The following SNAP29 variants were observed in gnomAD, a reference collection of about 807,000 sequenced individuals.
SNAP29 encodes synaptosome associated protein 29.
SNAP29 carries 13 observed loss-of-function variants against 27.9 expected under a neutral mutation model. The observed-to-expected ratio is 0.47, with a 90% CI of 0.30 to 0.74. The LOEUF (loss-of-function observed/expected upper bound fraction) is 0.74, where lower values mean the gene tolerates loss of function less well. SNAP29 is among the 30% of genes least tolerant of loss of function. The probability of loss-of-function intolerance (pLI) is 0.06; values close to 1 mark genes in which losing one functional copy is unlikely to be tolerated. For missense variants in SNAP29, 368 were observed against 336.5 expected (o/e 1.09, Z -0.73); for synonymous variants, 119 against 127.1 (o/e 0.94, Z 0.43).
intron 1 of SNAP29, 129 bp downstream of exon 1, chr22:20,859,476 C>A: frequency 1.3e-6 from 1 of 747,904 alleles, no homozygotes; most frequent in Admixed American, 2.0e-5. Context: ...ACCTTAGTGA[C>A]TCGATGGTGG....
chr22:20,884,224 C>T (rs926142830), intron 4 of SNAP29, among the ~76,000 whole-genome samples: 2 of 151,642 alleles, frequency 1.3e-5, no homozygotes, highest in African/African-American at 2.4e-5. Flanking sequence ...TCCCAGCTAT[C>T]GGGTGGCTGA....
At chr22:20,881,203 C>A in intron 3 of SNAP29, 69 bp downstream of exon 3, 2 of 1,113,828 alleles carry the variant, frequency 1.8e-6, no homozygotes, top group South Asian at 1.3e-5. Context: ...TGGCGTTGGT[C>A]CTTGGGGGGC....
intron 1 of SNAP29, among the ~76,000 whole-genome samples, chr22:20,860,120 G>A (rs1928226659): frequency 6.6e-6 from 1 of 151,936 alleles, no homozygotes; most frequent in Non-Finnish European, 1.5e-5. Context: ...GGGAGGCCTA[G>A]GCGTCGGATC....
intron 2 of SNAP29, among the ~76,000 whole-genome samples, chr22:20,879,164 G>A (rs549889474): frequency 4.6e-5 from 7 of 152,086 alleles, no homozygotes; most frequent in Admixed American, 1.3e-4. Flanking sequence ...AAAATTAGCC[G>A]GGCGTGGTAG....
At chr22:20,861,840 G>T (rs904961462) in intron 1 of SNAP29, among the ~76,000 whole-genome samples, 1 of 152,082 alleles carries the variant, frequency 6.6e-6, no homozygotes, top group Middle Eastern at 3.2e-3. Context: ...TCACTGTGTT[G>T]GTCCGGCTGG....
At chr22:20,871,478 T>A (rs1928589784) in intron 2 of SNAP29, among the ~76,000 whole-genome samples, 1 of 109,960 alleles carries the variant, frequency 9.1e-6, no homozygotes, top group Non-Finnish European at 1.9e-5. Context: ...AGTCTCCCTG[T>A]CTCTAAAAAA....
At chr22:20,859,578 T>C in intron 1 of SNAP29, 4 of 569,366 alleles carry the variant, frequency 7.0e-6, no homozygotes, top group Middle Eastern at 4.5e-4. Flanking sequence ...ATTAGTCTGC[T>C]TCGTTGATTT....
At chr22:20,883,089 T>G (rs1388267203) in intron 3 of SNAP29, among the ~76,000 whole-genome samples, 2 of 152,180 alleles carry the variant, frequency 1.3e-5, no homozygotes, top group East Asian at 1.9e-4. Flanking sequence ...ATTCCATTTA[T>G]GTAACGTAAC....
intron 2 of SNAP29, among the ~76,000 whole-genome samples, chr22:20,873,345 C>T (rs1928642808): frequency 1.3e-5 from 2 of 151,050 alleles, no homozygotes; most frequent in Non-Finnish European, 2.9e-5. Context: ...CACTAAGGTA[C>T]AGTAAAATAT....
intron 2 of SNAP29, among the ~76,000 whole-genome samples, chr22:20,879,255 C>T (rs372169371): frequency 6.6e-5 from 10 of 150,400 alleles, no homozygotes; most frequent in Non-Finnish European, 1.2e-4. Flanking sequence ...TGCAGTGAGC[C>T]GAGATCGTGC....
chr22:20,863,826 GGGAGATAATGCCGT>G (rs1209802950), intron 1 of SNAP29, among the ~76,000 whole-genome samples: 1 of 152,094 alleles, frequency 6.6e-6, no homozygotes, highest in Non-Finnish European at 1.5e-5. Context: ...CAGTGTTTTG[GGGAGATAATGCCGT>G]GGATAAAAAT....
Position 20,880,124 on chromosome 22 carries a change from A to G in SNAP29, c.435-925A>G, listed in dbSNP as rs1300734772. Among the ~76,000 whole-genome samples the G allele has an allele frequency of 3.3e-5, 5 of 152,194 alleles. No individual in the cohort carries two copies. The East Asian group carries it at 9.6e-4, about 29-fold the overall frequency. On this transcript the variant is annotated intron_variant, in intron 2 of 4. Coordinates refer to ENST00000215730, the MANE Select transcript of SNAP29 (RefSeq NM_004782.4). Reference sequence around the variant, plus strand: ...TCTAAGTTTGTCATCTGAGGTGCACATGGTCATCTCTAAGGCCATTCTTTG... The same window carrying G: ...TCTAAGTTTGTCATCTGAGGTGCACGTGGTCATCTCTAAGGCCATTCTTTG...
intron 1 of SNAP29, among the ~76,000 whole-genome samples, chr22:20,867,026 A>G (rs925764405): frequency 1.3e-5 from 2 of 152,180 alleles, no homozygotes; most frequent in South Asian, 2.1e-4. Flanking sequence ...GAGCATTGCA[A>G]TGTTGTCAAC....
Position 20,859,150 on chromosome 22 carries a change from G to T in SNAP29, c.40G>T (p.Asp14Tyr), listed in dbSNP as rs768952532. ...TAAAAGCTACAATCCGTTCGACGAC[G>T]ACGGGGAGGACGAAGGCGCCCGGCC... Reference protein sequence around the residue: ...YPKSYNPFDDDGEDEGARPAP... With the variant: ...YPKSYNPFDDYGEDEGARPAP... Residue 14 changes from aspartate (D) to tyrosine (Y), a missense_variant, in exon 1 of 5, where the codon GAC (aspartate) becomes TAC (tyrosine). Transcript: ENST00000215730. The T allele has an allele frequency of 5.0e-6, 8 of 1,607,616 alleles. No homozygotes were observed. Among genetic ancestry groups the T allele is most frequent in the Non-Finnish European group, 1.7e-6 (2 of 1,178,178 alleles).
chr22:20,872,601 C>T (rs1309874887), intron 2 of SNAP29, among the ~76,000 whole-genome samples: 1 of 151,998 alleles, frequency 6.6e-6, no homozygotes, highest in Non-Finnish European at 1.5e-5. Context: ...GGGGTTTCAC[C>T]GTGTTAGCCA....
intron 1 of SNAP29, among the ~76,000 whole-genome samples, chr22:20,866,698 C>A (rs1928468152): frequency 6.6e-6 from 1 of 152,174 alleles, no homozygotes; most frequent in Admixed American, 6.5e-5. Flanking sequence ...CACGGTTCCT[C>A]TGCCCCTGCA....
intron 3 of SNAP29, among the ~76,000 whole-genome samples, chr22:20,883,239 T>C (rs146303097): frequency 4.6e-5 from 7 of 152,286 alleles, no homozygotes; most frequent in African/African-American, 1.7e-4. Flanking sequence ...TGAGGGTGTT[T>C]GATCTCCCAA....
At chr22:20,876,392 G>T (rs555967734) in intron 2 of SNAP29, among the ~76,000 whole-genome samples, 137 of 150,518 alleles carry the variant, frequency 9.1e-4, no homozygotes, top group Non-Finnish European at 1.6e-3. Context: ...CAAGTAGCTG[G>T]GACTACATGC....
At chr22:20,887,012 A>T (rs886284076) in intron 4 of SNAP29, among the ~76,000 whole-genome samples, 1 of 152,014 alleles carries the variant, frequency 6.6e-6, no homozygotes, top group Non-Finnish European at 1.5e-5. Context: ...TCACAAGGTA[A>T]GGAGTTCGAG....
Sources: allele counts gnomAD v4.1 joint callset (sites outside exome capture counted in the v4.1 genomes callset), GRCh38; gene constraint gnomAD v4.1.1; transcripts MANE v1.5; gene names NCBI Gene and HGNC (gene_info 2026-07-23, HGNC 2026-07-21).